The following SPOCK3 variants were observed in gnomAD, a reference collection of about 807,000 sequenced individuals.
SPOCK3 encodes testican-3.
In SPOCK3, 30 loss-of-function variants were observed where a neutral mutation model predicts 56.6. The observed-to-expected ratio is 0.53, with a 90% CI of 0.40 to 0.72. The LOEUF (loss-of-function observed/expected upper bound fraction) is 0.72. SPOCK3 is among the 30% of genes least tolerant of loss of function. SPOCK3 has a pLI of 0.00. For missense variants in SPOCK3, 527 were observed against 530.0 expected (o/e 0.99, Z 0.06); for synonymous variants, 196 against 183.3 (o/e 1.07, Z -0.56).
At chr4:166,821,233 A>T (rs952612914) in intron 6 of SPOCK3, among the ~76,000 whole-genome samples, 2 of 152,130 alleles carry the variant, frequency 1.3e-5, no homozygotes, top group African/African-American at 2.4e-5. Flanking sequence ...ATCATTAGTC[A>T]CTAGGAAAAT....
chr4:167,103,945 G>A (rs529076950), intron 2 of SPOCK3, among the ~76,000 whole-genome samples: 136 of 152,218 alleles, frequency 8.9e-4, no homozygotes, highest in African/African-American at 3.1e-3. Flanking sequence ...ATCTTTGCCT[G>A]GTAATCCAGA....
intron 2 of SPOCK3, among the ~76,000 whole-genome samples, chr4:167,173,394 C>T (rs771034119): frequency 2.0e-5 from 3 of 152,006 alleles, no homozygotes; most frequent in Non-Finnish European, 4.4e-5. Flanking sequence ...TTTTCTTTCT[C>T]GTAGTTTGAG....
intron 8 of SPOCK3, among the ~76,000 whole-genome samples, chr4:166,749,601 C>G (rs909305146): frequency 6.6e-6 from 1 of 151,152 alleles, no homozygotes; most frequent in East Asian, 1.9e-4. Context: ...CAAACCTGCA[C>G]GTTGTGCACA....
intron 2 of SPOCK3, among the ~76,000 whole-genome samples, chr4:167,168,822 G>T (rs1211238685): frequency 2.6e-5 from 4 of 152,038 alleles, no homozygotes; most frequent in Admixed American, 6.6e-5. Context: ...CCCGCCACAG[G>T]CCCAGAGGCA....
chr4:167,233,546 C>T (rs1335053155), intron 2 of SPOCK3, among the ~76,000 whole-genome samples: 1 of 152,168 alleles, frequency 6.6e-6, no homozygotes, highest in Non-Finnish European at 1.5e-5. Context: ...AATCTTACAT[C>T]TTCCTACCTC....
chr4:167,232,288 T>C (rs951784990), intron 2 of SPOCK3, among the ~76,000 whole-genome samples: 12 of 152,074 alleles, frequency 7.9e-5, no homozygotes, highest in Non-Finnish European at 1.6e-4. Context: ...TCTGCTCTCA[T>C]TGAAGATAGT....
chr4:167,008,526 A>G (rs183373586), intron 3 of SPOCK3, among the ~76,000 whole-genome samples: 1 of 152,170 alleles, frequency 6.6e-6, no homozygotes, highest in Non-Finnish European at 1.5e-5. Flanking sequence ...TCTTTCTTCA[A>G]AAATGAATTC....
intron 2 of SPOCK3, among the ~76,000 whole-genome samples, chr4:167,123,761 T>A (rs1217909669): frequency 3.5e-5 from 5 of 142,666 alleles, no homozygotes; most frequent in Admixed American, 7.4e-5. Flanking sequence ...TTTTTTTTTT[T>A]AAGACTGAGT....
chr4:167,131,628 A>T (rs998666014), intron 2 of SPOCK3, among the ~76,000 whole-genome samples: 1 of 152,036 alleles, frequency 6.6e-6, no homozygotes, highest in African/African-American at 2.4e-5. Context: ...AAACCAAACA[A>T]CAACAACAAA....
At chr4:166,845,692 C>G in intron 6 of SPOCK3, among the ~76,000 whole-genome samples, 1 of 152,128 alleles carries the variant, frequency 6.6e-6, no homozygotes, top group South Asian at 2.1e-4. Flanking sequence ...ACTTCAAACA[C>G]GTAATCTAAA....
At chr4:166,885,530 C>A (rs570687959) in intron 6 of SPOCK3, among the ~76,000 whole-genome samples, 1 of 152,012 alleles carries the variant, frequency 6.6e-6, no homozygotes, top group East Asian at 1.9e-4. Context: ...ATCCTAGAAG[C>A]AAGGGATGGC....
chr4:166,736,521 G>A (rs1238384102), intron 10 of SPOCK3, among the ~76,000 whole-genome samples: 3 of 151,880 alleles, frequency 2.0e-5, no homozygotes, highest in Non-Finnish European at 2.9e-5. Context: ...TTCAGAGCAG[G>A]AATTTAAAGT....
At chr4:167,030,626 C>T (rs956857019) in intron 3 of SPOCK3, among the ~76,000 whole-genome samples, 1 of 151,830 alleles carries the variant, frequency 6.6e-6, no homozygotes, top group Non-Finnish European at 1.5e-5. Context: ...TGATTTGTAC[C>T]TCATTTTGTT....
intron 4 of SPOCK3, among the ~76,000 whole-genome samples, chr4:166,941,178 G>A (rs936763393): frequency 6.6e-6 from 1 of 150,920 alleles, no homozygotes; most frequent in African/African-American, 2.5e-5. Context: ...ATCAATTTAT[G>A]CCTCCCAAGA....
intron 4 of SPOCK3, among the ~76,000 whole-genome samples, chr4:166,939,703 TTATC>T (rs1740833308): frequency 6.6e-6 from 1 of 152,212 alleles, no homozygotes; most frequent in Admixed American, 6.5e-5. Flanking sequence ...TAAATTGATC[TTATC>T]TAGTCACCTC....
At chr4:167,140,045 T>C (rs1439871933) in intron 2 of SPOCK3, among the ~76,000 whole-genome samples, 3 of 152,004 alleles carry the variant, frequency 2.0e-5, no homozygotes, top group Non-Finnish European at 2.9e-5. Context: ...GCAGTAGAAG[T>C]TGTCATACAG....
intron 4 of SPOCK3, among the ~76,000 whole-genome samples, chr4:166,942,280 G>A (rs1741164186): frequency 6.6e-6 from 1 of 151,468 alleles, no homozygotes; most frequent in Admixed American, 6.6e-5. Context: ...GCACAATATT[G>A]GCTCACTGAA....
intron 2 of SPOCK3, among the ~76,000 whole-genome samples, chr4:167,086,723 T>A (rs1280873049): frequency 6.6e-6 from 1 of 152,128 alleles, no homozygotes; most frequent in Non-Finnish European, 1.5e-5. Flanking sequence ...TTTCTACTTC[T>A]GCTATATTAT....
intron 2 of SPOCK3, among the ~76,000 whole-genome samples, chr4:167,208,242 T>C (rs577752619): frequency 6.6e-6 from 1 of 152,250 alleles, no homozygotes; most frequent in South Asian, 2.1e-4. Context: ...TTCTTAGAGA[T>C]TTATTGAATG....
Sources: allele counts gnomAD v4.1 joint callset (sites outside exome capture counted in the v4.1 genomes callset), GRCh38; gene constraint gnomAD v4.1.1; transcripts MANE v1.5; gene names NCBI Gene and HGNC (gene_info 2026-07-23, HGNC 2026-07-21).